Variants in TTLL1 observed in about 807,000 individuals in gnomAD.
TTLL1 encodes the protein polyglutamylase complex subunit TTLL1.
A neutral mutation model predicts 47.8 loss-of-function variants in TTLL1; 33 were observed. That is an observed-to-expected ratio of 0.69 (90% CI 0.52 to 0.92). The LOEUF is 0.92. Ranked by LOEUF, TTLL1 falls within the 40% of genes least tolerant of loss-of-function variation. TTLL1 has a pLI of 0.00. For synonymous variants in TTLL1, 225 were observed against 214.1 expected (o/e 1.05, Z -0.45); for missense variants, 488 against 547.5 (o/e 0.89, Z 1.08).
chr22:43,071,612 G>A lies in TTLL1; in HGVS notation c.114-1768C>T, dbSNP rs578198793. 2.4e-4 allele frequency among the ~76,000 whole-genome samples: 37 copies of A among 152,286 alleles called. No individual in the cohort carries two copies. In the South Asian group the frequency reaches 7.3e-3, roughly 30 times the overall value. On this transcript the variant is annotated intron_variant, in intron 3 of 10. Transcript: ENST00000266254. ...TTTAGTAGAGACGGGGTTTTGCCACGTTGGCCAGGCTGGTCTCAAACTCCT... is the reference window on the plus strand; with the variant it reads ...TTTAGTAGAGACGGGGTTTTGCCACATTGGCCAGGCTGGTCTCAAACTCCT...
intron 9 of TTLL1, among the ~76,000 whole-genome samples, chr22:43,047,694 C>G: frequency 6.6e-6 from 1 of 152,082 alleles, no homozygotes; most frequent in East Asian, 1.9e-4. Context: ...GTCTTGAACC[C>G]CTGACCTCAG....
In TTLL1 at chr22:43,064,260, T is replaced by C; in HGVS notation, c.568A>G (p.Ile190Val). The C allele has an allele frequency of 2.5e-6, 4 of 1,614,116 alleles. No homozygotes were observed. Among genetic ancestry groups the C allele is most frequent in the Non-Finnish European group, 3.4e-6 (4 of 1,180,026 alleles). Reference protein sequence around the residue: ...ISLYINNPLLIGGRKFDLRLY... With the variant: ...ISLYINNPLLVGGRKFDLRLY... ...CGCAGGTCGAACTTCCTCCCGCCAA[T>C]TAGTAACGGGTTGTTAATATAGAGA... Residue 190 changes from isoleucine to valine, a missense_variant, in exon 6 of 11, where the codon ATT becomes GTT. Physicochemically the swap from Ile to Val is conservative, Grantham distance 29. Coordinates refer to ENST00000266254, the MANE Select transcript of TTLL1 (RefSeq NM_012263.5).
At chr22:43,085,648 C>A (rs964398807) in intron 1 of TTLL1, among the ~76,000 whole-genome samples, 4 of 152,188 alleles carry the variant, frequency 2.6e-5, no homozygotes, top group African/African-American at 9.6e-5. Flanking sequence ...TAAACCTCTT[C>A]CTTTTATAAA....
intron 10 of TTLL1, among the ~76,000 whole-genome samples, chr22:43,044,839 C>T (rs902762090): frequency 6.6e-6 from 1 of 151,926 alleles, no homozygotes; most frequent in African/African-American, 2.4e-5. Flanking sequence ...ACCTCCCAGG[C>T]CCCATGGTGT....
At chr22:43,066,314 G>A (rs11913062) in intron 5 of TTLL1, among the ~76,000 whole-genome samples, 14,230 of 152,030 alleles carry the variant, frequency 0.094, 895 homozygotes, top group African/African-American at 0.17. Context: ...TGTATCCATG[G>A]AGGACACACC....
chr22:43,082,039 G>C (rs1294783313), intron 1 of TTLL1, among the ~76,000 whole-genome samples: 1 of 151,002 alleles, frequency 6.6e-6, no homozygotes, highest in South Asian at 2.1e-4. Context: ...TTTAGTAGAG[G>C]CAGGGTTTCA....
intron 10 of TTLL1, among the ~76,000 whole-genome samples, chr22:43,043,548 C>G (rs780972581): frequency 3.2e-4 from 49 of 152,212 alleles, no homozygotes; most frequent in Admixed American, 5.2e-4. Flanking sequence ...TCCAGGCTGC[C>G]AATCCCAGTC....
At position 43,080,902 on chromosome 22, in the gene TTLL1, C is replaced by CTTTTTT. The variant is rs10529079; in HGVS notation, c.-89-922_-89-917dup. 4.5e-3 allele frequency among the ~76,000 whole-genome samples: 313 copies of CTTTTTT among 69,284 alleles called. 65 individuals are homozygous for CTTTTTT. The highest frequency in any genetic ancestry group is 7.7e-3 in the African/African-American group (134 of 17,422). The allele number at this position is 69,284 out of a possible 152,430, so 45.5% of individuals were successfully genotyped here. On this transcript the variant is annotated intron_variant, in intron 1 of 10. Coordinates refer to ENST00000266254, the MANE Select transcript of TTLL1 (RefSeq NM_012263.5). ...GTCACCTGTTCCCAGTGTTGCATGA[C>CTTTTTT]TTTTTTTTTTTTTTTTTTTTTTTTT...
At chr22:43,057,980 T>G (rs907074652) in intron 8 of TTLL1, among the ~76,000 whole-genome samples, 4 of 151,692 alleles carry the variant, frequency 2.6e-5, no homozygotes, top group Admixed American at 2.6e-4. Flanking sequence ...AGTCTCACTC[T>G]GTCGCCAGGC....
At chr22:43,040,949 G>T (rs566025295) in intron 10 of TTLL1, among the ~76,000 whole-genome samples, 1 of 152,150 alleles carries the variant, frequency 6.6e-6, no homozygotes, top group African/African-American at 2.4e-5. Flanking sequence ...TCTCTCACGG[G>T]GTCCTGGAGC....
intron 8 of TTLL1, among the ~76,000 whole-genome samples, chr22:43,054,313 T>C (rs1926846072): frequency 6.6e-6 from 1 of 152,184 alleles, no homozygotes; most frequent in African/African-American, 2.4e-5. Flanking sequence ...GAATCCTCTG[T>C]GAGCCAAAGA....
At chr22:43,050,280 G>A (rs942255807) in intron 9 of TTLL1, among the ~76,000 whole-genome samples, 1 of 149,054 alleles carries the variant, frequency 6.7e-6, no homozygotes, top group Admixed American at 6.7e-5. Flanking sequence ...GCTGGGCGTG[G>A]TGGTGCACGC....
chr22:43,046,008 G>T (rs898808824), intron 10 of TTLL1, among the ~76,000 whole-genome samples: 1 of 152,106 alleles, frequency 6.6e-6, no homozygotes, highest in African/African-American at 2.4e-5. Context: ...ATCACTTGAG[G>T]TCAGGAGTTC....
chr22:43,085,899 C>CGGGCTGGCTCAGGAGT (rs906258047), intron 1 of TTLL1, among the ~76,000 whole-genome samples: 2 of 152,052 alleles, frequency 1.3e-5, no homozygotes, highest in Non-Finnish European at 2.9e-5. Context: ...GGCTCAGGAG[C>CGGGCTGGCTCAGGAGT]GGGCTGGCTC....
Position 43,052,042 on chromosome 22 carries a change from C to G in TTLL1, c.892-155G>C, listed in dbSNP as rs575983604. ...AAACGCTTCCTTCCCTCCTCTCCCT[C>G]TTCCTCCCGCAGAGCTCAGAGATTG... On this transcript the variant is annotated intron_variant, in intron 8 of 10. Coordinates refer to ENST00000266254, the MANE Select transcript of TTLL1 (RefSeq NM_012263.5). The G allele has an allele frequency of 1.4e-4, 91 of 667,942 alleles. 1 individual carries two copies. The South Asian group carries it at 1.5e-3, about 11-fold the overall frequency. The allele number at this position is 667,942 out of a possible 1,614,324, so 41.4% of individuals were successfully genotyped here.
chr22:43,054,764 G>A (rs1237536028), intron 8 of TTLL1, among the ~76,000 whole-genome samples: 2 of 124,478 alleles, frequency 1.6e-5, no homozygotes, highest in South Asian at 5.3e-4. Flanking sequence ...CTTGCTCTGT[G>A]GCCCAGGCTG....
intron 5 of TTLL1, 43 bp from the exon 6 acceptor site, chr22:43,064,367 C>T (rs1312206539): frequency 6.3e-7 from 1 of 1,586,702 alleles, no homozygotes; most frequent in African/African-American, 1.4e-5. Context: ...GTAAAAGATG[C>T]AATAACGAAG....
chr22:43,043,258 C>G (rs2146956260), intron 10 of TTLL1, among the ~76,000 whole-genome samples: 1 of 152,096 alleles, frequency 6.6e-6, no homozygotes, highest in South Asian at 2.1e-4. Context: ...TGCTTCTTGG[C>G]CGGGAAATGG....
At chr22:43,055,907 C>CT (rs11326597) in intron 8 of TTLL1, among the ~76,000 whole-genome samples, 10 of 150,520 alleles carry the variant, frequency 6.6e-5, no homozygotes, top group Non-Finnish European at 7.4e-5. Context: ...CTTTTTTTGT[C>CT]TTTTTTTTTC....
Sources: gnomAD v4.1 joint callset for allele counts (sites outside exome capture counted in the v4.1 genomes callset) on GRCh38, gnomAD v4.1.1 for gene constraint, MANE v1.5 for transcripts, NCBI Gene and HGNC (gene_info 2026-07-23, HGNC 2026-07-21) for gene names.